KCNT2: variants seen among roughly 807,000 people sequenced by gnomAD.
KCNT2 encodes potassium channel subfamily T member 2.
Under a neutral mutation model 153.8 loss-of-function variants are expected in KCNT2, and 67 were observed. That is an observed-to-expected ratio of 0.44 (90% CI 0.36 to 0.53). The LOEUF (loss-of-function observed/expected upper bound fraction) is 0.53, where lower values mean the gene tolerates loss of function less well. KCNT2 is among the 20% of genes least tolerant of loss of function. The pLI, the probability that KCNT2 is intolerant of heterozygous loss-of-function variation, is 0.00. For synonymous variants in KCNT2, 500 were observed against 458.8 expected, an observed-to-expected ratio of 1.09 and a Z score of -1.15; for missense variants, 975 against 1,354.8, an observed-to-expected ratio of 0.72 and a Z score of 4.40.
chr1:196,260,461 C>T (rs1656905937), intron 25 of KCNT2, among the ~76,000 whole-genome samples: 1 of 151,512 alleles, frequency 6.6e-6, no homozygotes, highest in South Asian at 2.1e-4. Flanking sequence ...TATTTAATAG[C>T]CTATTCAGCA....
intron 1 of KCNT2, among the ~76,000 whole-genome samples, chr1:196,507,327 G>A (rs1057374224): frequency 1.3e-5 from 2 of 152,132 alleles, no homozygotes; most frequent in African/African-American, 4.8e-5. Flanking sequence ...AGGCAATTAC[G>A]AGGTGCTCTT....
chr1:196,232,683 A>T (rs1393241181), intron 27 of KCNT2, among the ~76,000 whole-genome samples: 1 of 151,588 alleles, frequency 6.6e-6, no homozygotes, highest in Non-Finnish European at 1.5e-5. Flanking sequence ...CTCTAAAAAT[A>T]TGTCTACTTT....
chr1:196,238,727 T>C (rs905817133), intron 26 of KCNT2, among the ~76,000 whole-genome samples: 1 of 151,950 alleles, frequency 6.6e-6, no homozygotes, highest in Non-Finnish European at 1.5e-5. Context: ...AAATACCTAA[T>C]GTAAATGACG....
At chr1:196,313,542 G>T (rs1381983945) in intron 21 of KCNT2, among the ~76,000 whole-genome samples, 1 of 151,522 alleles carries the variant, frequency 6.6e-6, no homozygotes, top group Admixed American at 6.6e-5. Flanking sequence ...CCAAGTCTGT[G>T]TGATTTTGGT....
At chr1:196,271,369 A>G (rs1402276535) in intron 25 of KCNT2, among the ~76,000 whole-genome samples, 1 of 152,022 alleles carries the variant, frequency 6.6e-6, no homozygotes, top group Non-Finnish European at 1.5e-5. Flanking sequence ...AGCTGTGATT[A>G]AAAGCTTAAG....
intron 8 of KCNT2, among the ~76,000 whole-genome samples, chr1:196,455,393 C>T (rs1470112971): frequency 2.6e-5 from 4 of 151,954 alleles, no homozygotes; most frequent in Admixed American, 6.6e-5. Context: ...GTTTTCCTAC[C>T]GGAAGCTTGA....
At chr1:196,258,594 C>T in intron 25 of KCNT2, 100 bp from the exon 26 acceptor site, 1 of 946,134 alleles carries the variant, frequency 1.1e-6, no homozygotes, top group Non-Finnish European at 1.6e-6. Context: ...TATATTTCTA[C>T]TCAGGAGAGT....
At chr1:196,573,761 T>C (rs959369278) in intron 1 of KCNT2, among the ~76,000 whole-genome samples, 6 of 152,048 alleles carry the variant, frequency 3.9e-5, no homozygotes, top group Admixed American at 2.0e-4. Flanking sequence ...TTGAATAATT[T>C]TATTTTTCAC....
In KCNT2 at chr1:196,486,158, G is replaced by C. The variant is rs187169359; in HGVS notation, c.275+3680C>G. Among the ~76,000 whole-genome samples the C allele has an allele frequency of 1.6e-3, 248 of 152,008 alleles. 1 individual carries two copies. Among genetic ancestry groups the C allele is most frequent in the Middle Eastern group, 3.4e-3 (1 of 294 alleles). Reference sequence around the variant, plus strand: ...TGTTATCTATATGTCTGTGTATAGAGAGAATTTGTAAATGGAGTCTTTAAA... The same window carrying C: ...TGTTATCTATATGTCTGTGTATAGACAGAATTTGTAAATGGAGTCTTTAAA... On this transcript the variant is annotated intron_variant, in intron 3 of 27. Transcript: ENST00000294725.
intron 22 of KCNT2, among the ~76,000 whole-genome samples, chr1:196,291,774 C>G (rs1660208607): frequency 6.6e-6 from 1 of 152,126 alleles, no homozygotes; most frequent in Non-Finnish European, 1.5e-5. Context: ...GCACTTCCGA[C>G]TTATTTTAAA....
At chr1:196,429,026 T>G (rs1328147628) in intron 9 of KCNT2, among the ~76,000 whole-genome samples, 2 of 127,114 alleles carry the variant, frequency 1.6e-5, no homozygotes, top group African/African-American at 5.9e-5. Context: ...TTTTTTTTTG[T>G]AGAGATGGGG....
intron 14 of KCNT2, among the ~76,000 whole-genome samples, chr1:196,350,645 T>C (rs576203085): frequency 6.6e-6 from 1 of 152,108 alleles, no homozygotes; most frequent in Non-Finnish European, 1.5e-5. Flanking sequence ...TTCTCCCATT[T>C]TGTAGGTTGC....
intron 1 of KCNT2, 58 bp downstream of exon 1, chr1:196,608,157 C>A (rs1454748463): frequency 6.7e-7 from 1 of 1,499,894 alleles, no homozygotes; most frequent in African/African-American, 1.4e-5. Flanking sequence ...TTCGGCCCTC[C>A]CATTTCCGTC....
At chr1:196,294,913 G>T (rs897585809) in intron 22 of KCNT2, among the ~76,000 whole-genome samples, 1 of 151,734 alleles carries the variant, frequency 6.6e-6, no homozygotes, top group Non-Finnish European at 1.5e-5. Context: ...AAGGGCATAA[G>T]GGGATGTTGA....
chr1:196,568,597 A>G (rs1313964371), intron 1 of KCNT2, among the ~76,000 whole-genome samples: 2 of 146,506 alleles, frequency 1.4e-5, no homozygotes, highest in Admixed American at 6.8e-5. Context: ...CTCCGTCTCA[A>G]AAAAAAAAAA....
At chr1:196,443,396 T>TGCCCTC (rs1230468780) in intron 8 of KCNT2, among the ~76,000 whole-genome samples, 2 of 151,518 alleles carry the variant, frequency 1.3e-5, no homozygotes, top group East Asian at 2.0e-4. Flanking sequence ...TGATTCTCCT[T>TGCCCTC]GCCCTCCACA....
chr1:196,227,671 A>T lies in KCNT2; in HGVS notation c.*553T>A, dbSNP rs1163771524. 1 of 152,554 alleles carries T rather than the reference A, an allele frequency of 6.6e-6. No homozygotes were observed. 9.5% of individuals were successfully genotyped at this position (152,554 alleles called of 1,614,324 possible). A position where few individuals can be genotyped will look rare whatever the true frequency, so the allele number is the denominator to read the frequency against. On this transcript the variant is annotated 3_prime_UTR_variant, in exon 28 of 28. Coordinates refer to ENST00000294725, the MANE Select transcript of KCNT2 (RefSeq NM_198503.5). ...TTTTATATCGTAAGGCAGAAAAAAA[A>T]GTTAAAATGACTTAAAGATTTGTAT...
At chr1:196,437,230 T>TTA (rs1270820714) in intron 8 of KCNT2, among the ~76,000 whole-genome samples, 61 of 116,760 alleles carry the variant, frequency 5.2e-4, no homozygotes, top group East Asian at 1.1e-3. Flanking sequence ...TTAAGAAAGC[T>TTA]TATATATATA....
intron 14 of KCNT2, among the ~76,000 whole-genome samples, chr1:196,349,981 G>A (rs1004860980): frequency 1.3e-5 from 2 of 151,982 alleles, no homozygotes; most frequent in Non-Finnish European, 2.9e-5. Flanking sequence ...CCTTGCGATA[G>A]TTTACTGAGA....
Sources: allele counts gnomAD v4.1 joint callset (sites outside exome capture counted in the v4.1 genomes callset), GRCh38; gene constraint gnomAD v4.1.1; transcripts MANE v1.5; gene names NCBI Gene and HGNC (gene_info 2026-07-23, HGNC 2026-07-21).